NCAM1: variants seen among roughly 807,000 people sequenced by gnomAD.
The protein encoded by NCAM1 is neural cell adhesion molecule 1.
In NCAM1, 14 loss-of-function variants were observed where a neutral mutation model predicts 109.8. That is an observed-to-expected ratio of 0.13 (90% CI 0.08 to 0.20). The LOEUF is 0.20. NCAM1 is among the 10% of genes least tolerant of loss of function. The pLI, the probability that NCAM1 is intolerant of heterozygous loss-of-function variation, is 1.00. For synonymous variants in NCAM1, 418 were observed against 442.9 expected (o/e 0.94, Z 0.70); for missense variants, 774 against 1,109.9 (o/e 0.70, Z 4.30).
At chr11:113,134,759 C>T (rs1555099070) in intron 1 of NCAM1, among the ~76,000 whole-genome samples, 2 of 152,144 alleles carry the variant, frequency 1.3e-5, no homozygotes, top group Non-Finnish European at 2.9e-5. Context: ...TTGTGGCACA[C>T]GTTGTTGCAA....
intron 1 of NCAM1, among the ~76,000 whole-genome samples, chr11:113,190,225 A>T (rs1943636500): frequency 6.6e-6 from 1 of 152,252 alleles, no homozygotes; most frequent in Non-Finnish European, 1.5e-5. Context: ...GAATGAAGAC[A>T]GAATGTCAGT....
At chr11:113,153,477 T>TGC (rs1942307578) in intron 1 of NCAM1, among the ~76,000 whole-genome samples, 1 of 130,656 alleles carries the variant, frequency 7.7e-6, no homozygotes, top group Admixed American at 7.4e-5. Flanking sequence ...AGAGAGAGAG[T>TGC]GTGTGTGTGT....
At chr11:113,029,607 G>A (rs1952655206) in intron 1 of NCAM1, among the ~76,000 whole-genome samples, 3 of 152,092 alleles carry the variant, frequency 2.0e-5, no homozygotes, top group South Asian at 4.1e-4. Flanking sequence ...CCTGGAGGGT[G>A]GACTCTGGAA....
At chr11:112,976,262 A>G (rs1555067681) in intron 1 of NCAM1, among the ~76,000 whole-genome samples, 1 of 151,982 alleles carries the variant, frequency 6.6e-6, no homozygotes. Flanking sequence ...TATATATACA[A>G]TTATATACTC....
chr11:113,113,404 A>T (rs1555094166), intron 1 of NCAM1, among the ~76,000 whole-genome samples: 1 of 152,170 alleles, frequency 6.6e-6, no homozygotes, highest in Non-Finnish European at 1.5e-5. Flanking sequence ...GGAACTTGCC[A>T]TTGTTCATTT....
chr11:113,199,724 T>G (rs1048159442), intron 1 of NCAM1, among the ~76,000 whole-genome samples: 1 of 150,864 alleles, frequency 6.6e-6, no homozygotes, highest in East Asian at 1.9e-4. Context: ...CATGGCACAT[T>G]TATACATATG....
In NCAM1 at chr11:113,277,944, A is replaced by T. The variant is rs1221548605; in HGVS notation, c.*2557A>T. 6.8e-6 allele frequency: 1 copy of T among 147,470 alleles called. No individual in the cohort carries two copies. Among genetic ancestry groups the T allele is most frequent in the Non-Finnish European group, 1.5e-5 (1 of 66,914 alleles). 9.1% of individuals were successfully genotyped at this position (147,470 alleles called of 1,614,324 possible). ...AAGATGTTTTATCTTTTATGTTAAGAGATCAAAGCTTATAATTTTCTTTTT... is the reference window on the plus strand; with the variant it reads ...AAGATGTTTTATCTTTTATGTTAAGTGATCAAAGCTTATAATTTTCTTTTT... On this transcript the variant is annotated 3_prime_UTR_variant, in exon 20 of 20. Transcript: ENST00000316851.
intron 1 of NCAM1, among the ~76,000 whole-genome samples, chr11:113,162,443 G>A (rs921840804): frequency 8.5e-5 from 13 of 152,242 alleles, no homozygotes; most frequent in South Asian, 2.1e-4. Flanking sequence ...AGACCAAGGC[G>A]CCTGCTGTTA....
intron 9 of NCAM1, among the ~76,000 whole-genome samples, chr11:113,228,637 C>G (rs1944916650): frequency 6.6e-6 from 1 of 152,136 alleles, no homozygotes; most frequent in African/African-American, 2.4e-5. Context: ...CAATCCTAAG[C>G]CAAAAGAACA....
chr11:112,973,753 G>T (rs372222917), intron 1 of NCAM1, among the ~76,000 whole-genome samples: 2 of 152,028 alleles, frequency 1.3e-5, no homozygotes, highest in East Asian at 3.9e-4. Context: ...CACAGTGAAG[G>T]GATATACAAT....
At chr11:113,164,336 C>G (rs782790436) in intron 1 of NCAM1, among the ~76,000 whole-genome samples, 1 of 152,192 alleles carries the variant, frequency 6.6e-6, no homozygotes, top group Non-Finnish European at 1.5e-5. Context: ...CCAAGCAATT[C>G]TCCAGTGAAC....
At chr11:113,270,823 G>A (rs1386511058) in intron 18 of NCAM1, among the ~76,000 whole-genome samples, 11 of 152,176 alleles carry the variant, frequency 7.2e-5, no homozygotes, top group Admixed American at 2.6e-4. Flanking sequence ...GCAAGGCACT[G>A]TTCCCAGGCA....
chr11:113,208,644 G>A (rs781858022), intron 7 of NCAM1, among the ~76,000 whole-genome samples: 5 of 151,678 alleles, frequency 3.3e-5, no homozygotes, highest in Non-Finnish European at 5.9e-5. Context: ...TCTGCACTGC[G>A]ACCACCCCCA....
chr11:113,054,475 G>C (rs566494536), intron 1 of NCAM1, among the ~76,000 whole-genome samples: 2 of 152,166 alleles, frequency 1.3e-5, no homozygotes, highest in Non-Finnish European at 2.9e-5. Context: ...GAATCCTCTG[G>C]GTGCAATTGA....
At chr11:112,966,855 G>T (rs1312822098) in intron 1 of NCAM1, among the ~76,000 whole-genome samples, 1 of 152,162 alleles carries the variant, frequency 6.6e-6, no homozygotes, top group African/African-American at 2.4e-5. Context: ...TTTTCAGTTG[G>T]GTAGACACAC....
chr11:113,157,776 G>T (rs1245807317), intron 1 of NCAM1, among the ~76,000 whole-genome samples: 2 of 151,862 alleles, frequency 1.3e-5, no homozygotes, highest in Non-Finnish European at 2.9e-5. Flanking sequence ...GTATCAAGAG[G>T]CGCTTTTTTA....
Position 113,006,879 on chromosome 11 carries a change from A to G in NCAM1, c.52+45215A>G, listed in dbSNP as rs149801358. Among the ~76,000 whole-genome samples, 522 of 152,250 alleles carry G rather than the reference A, an allele frequency of 3.4e-3. 5 individuals carry two copies. Among genetic ancestry groups the G allele is most frequent in the Middle Eastern group, 0.01 (3 of 294 alleles). On this transcript the variant is annotated intron_variant, in intron 1 of 19. Coordinates refer to ENST00000316851, the MANE Select transcript of NCAM1 (RefSeq NM_181351.5). ...CTTATTGAAGTAGTGCACCATTTCC[A>G]CTTTAAGACCATAGCTGTGATATTT...
intron 1 of NCAM1, among the ~76,000 whole-genome samples, chr11:113,155,238 C>A (rs1176176645): frequency 1.3e-5 from 2 of 152,100 alleles, no homozygotes; most frequent in Non-Finnish European, 2.9e-5. Context: ...AATGGCTTGG[C>A]CGGGCATGGT....
At chr11:113,206,765 A>C (rs1340770786) in intron 5 of NCAM1, among the ~76,000 whole-genome samples, 1 of 152,186 alleles carries the variant, frequency 6.6e-6, no homozygotes, top group African/African-American at 2.4e-5. Context: ...TTGGTAAAAA[A>C]CAGTTTTGTA....
Sources: gnomAD v4.1 joint callset for allele counts (sites outside exome capture counted in the v4.1 genomes callset) on GRCh38, gnomAD v4.1.1 for gene constraint, MANE v1.5 for transcripts, NCBI Gene and HGNC (gene_info 2026-07-23, HGNC 2026-07-21) for gene names.